Variants in CNNM4 observed in about 807,000 individuals in gnomAD.
CNNM4 encodes metal transporter CNNM4.
CNNM4 carries 32 observed loss-of-function variants against 53.7 expected under a neutral mutation model. The observed-to-expected ratio is 0.60, with a 90% CI of 0.45 to 0.80. The LOEUF is 0.80. Among genes scored for constraint, CNNM4 ranks in the 30% least tolerant of loss-of-function variants. The pLI, the probability that CNNM4 is intolerant of heterozygous loss-of-function variation, is 0.00. For synonymous variants in CNNM4, 410 were observed against 440.0 expected (o/e 0.93, Z 0.85); for missense variants, 784 against 1,022.0 (o/e 0.77, Z 3.17).
chr2:96,788,308 G>A (rs944095587), intron 1 of CNNM4, among the ~76,000 whole-genome samples: 6 of 150,772 alleles, frequency 4.0e-5, no homozygotes, highest in Non-Finnish European at 7.4e-5. Context: ...AGTCTAGCGA[G>A]TATAGAGTGT....
At chr2:96,792,890 G>C (rs1439993952) in intron 1 of CNNM4, among the ~76,000 whole-genome samples, 1 of 152,236 alleles carries the variant, frequency 6.6e-6, no homozygotes, top group South Asian at 2.1e-4. Context: ...GGAGTGTTGG[G>C]GGGATGGGCA....
rs558931421 is a variant in CNNM4 at position 96,808,620 on chromosome 2, C to T, written c.2008C>T (p.Arg670Cys). The T allele has an allele frequency of 6.2e-6, 10 of 1,614,150 alleles. No homozygotes were observed. The highest frequency in any genetic ancestry group is 2.2e-5 in the East Asian group (1 of 44,880). ...SRSASLSYPD[R>C]TDVSTAATLA... ...CTCAGCCTCCCTCAGTTACCCAGAC[C>T]GCACAGACGTCTCAACTGCAGCAAC... Residue 670 changes from arginine to cysteine, a missense_variant, in exon 6 of 7, where the codon CGC becomes TGC. Around this residue, in one of 3 missense-constraint regions of CNNM4, gnomAD observed 307 missense variants for 376.3 expected, o/e 0.82. Coordinates refer to ENST00000377075, the MANE Select transcript of CNNM4 (RefSeq NM_020184.4). This position sits in a 1 kb window ranked among gnomAD's most constrained non-coding sequence, Gnocchi z 4.9.
intron 1 of CNNM4, among the ~76,000 whole-genome samples, chr2:96,765,041 T>G (rs2078802937): frequency 3.5e-5 from 4 of 114,838 alleles, no homozygotes; most frequent in African/African-American, 7.1e-5. Context: ...TTTTTTTTTT[T>G]TTTTTTTTTT....
chr2:96,808,636 C>T lies in CNNM4; in HGVS notation c.2024C>T (p.Thr675Ile). The T allele has an allele frequency of 3.7e-6, 6 of 1,614,184 alleles. No individual in the cohort carries two copies. The highest frequency in any genetic ancestry group is 5.1e-6 in the Non-Finnish European group (6 of 1,180,030). ...LSYPDRTDVS[T>I]AATLAGSSNQ... is the part of the protein sequence containing the mutation. ...TACCCAGACCGCACAGACGTCTCAA[C>T]TGCAGCAACCTTGGCAGGCAGCAGC... Residue 675 changes from threonine to isoleucine, a missense_variant, in exon 6 of 7, where the codon ACT (threonine) becomes ATT (isoleucine). Physicochemically the swap from Thr to Ile is moderately conservative, Grantham distance 89. Transcript: ENST00000377075. This position sits in a 1 kb window ranked among gnomAD's most constrained non-coding sequence, Gnocchi z 4.9.
chr2:96,795,098 C>T (rs2079091372), intron 1 of CNNM4, among the ~76,000 whole-genome samples: 1 of 152,252 alleles, frequency 6.6e-6, no homozygotes. Flanking sequence ...ACTTCTGATC[C>T]CCAGTGAGGA....
chr2:96,761,988 A>G lies in CNNM4; in HGVS notation c.989A>G (p.Gln330Arg). The change falls in exon 1 of 7, where the codon CAG (glutamine) becomes CGG (arginine). Residue 330 changes from glutamine to arginine, a missense_variant. Transcript: ENST00000377075. This position sits in a 1 kb window ranked among gnomAD's most constrained non-coding sequence, Gnocchi z 6.0. Reference sequence around the variant, plus strand: ...AAGCTCCTGGACTTTTTTCTGGGCCAGGAGATTCGCACTGTTTACAACCGG... The same window carrying G: ...AAGCTCCTGGACTTTTTTCTGGGCCGGGAGATTCGCACTGTTTACAACCGG... The part of the protein sequence containing the change: ...ISKLLDFFLG[Q>R]EIRTVYNREK... 6.2e-7 allele frequency: 1 copy of G among 1,614,128 alleles called. No homozygotes were observed. The highest frequency in any genetic ancestry group is 8.5e-7 in the Non-Finnish European group (1 of 1,180,018).
chr2:96,807,969 A>G (rs887784817), intron 5 of CNNM4, among the ~76,000 whole-genome samples: 1 of 151,934 alleles, frequency 6.6e-6, no homozygotes, highest in African/African-American at 2.4e-5. Flanking sequence ...GCTCACTGCA[A>G]TATCCACCTC....
chr2:96,781,167 G>T (rs1002023118), intron 1 of CNNM4, among the ~76,000 whole-genome samples: 5 of 151,948 alleles, frequency 3.3e-5, no homozygotes, highest in African/African-American at 1.2e-4. Context: ...TTTTAGTAGA[G>T]ACGGGGTTTC....
In CNNM4 at chr2:96,761,348, G is replaced by A. The variant is rs368862739; in HGVS notation, c.349G>A (p.Val117Ile). 5 of 1,613,928 alleles carry A rather than the reference G, an allele frequency of 3.1e-6. No individual in the cohort carries two copies. Among genetic ancestry groups the A allele is most frequent in the Non-Finnish European group, 4.2e-6 (5 of 1,180,042 alleles). The part of the protein sequence containing the change: ...SCLELTKDLV[V>I]QQLVNVSRGN... ...CCTCGAGCTCACCAAGGACCTGGTC[G>A]TCCAGCAGCTGGTCAACGTGAGCCG... is the stretch of plus-strand genomic sequence containing the variant. The change falls in exon 1 of 7, where the codon GTC becomes ATC. Residue 117 changes from valine to isoleucine, a missense_variant. Val to Ile is a conservative substitution (Grantham distance 29, BLOSUM62 3). Around this residue, in one of 3 missense-constraint regions of CNNM4, gnomAD observed 473 missense variants for 624.6 expected, o/e 0.76. Transcript: ENST00000377075. This position sits in a 1 kb window ranked among gnomAD's most constrained non-coding sequence, Gnocchi z 6.0.
chr2:96,779,949 C>T (rs148059158), intron 1 of CNNM4, among the ~76,000 whole-genome samples: 3,147 of 152,070 alleles, frequency 0.021, 124 homozygotes, highest in African/African-American at 0.072. Context: ...GCTACAGGCA[C>T]GTGCCACCAC....
chr2:96,792,020 G>A (rs1041888166), intron 1 of CNNM4, among the ~76,000 whole-genome samples: 3 of 151,944 alleles, frequency 2.0e-5, no homozygotes, highest in African/African-American at 4.8e-5. Context: ...TTGGGAGGCC[G>A]AGGTGGGCTG....
intron 1 of CNNM4, among the ~76,000 whole-genome samples, chr2:96,769,836 A>G (rs938094319): frequency 2.6e-5 from 4 of 152,192 alleles, no homozygotes; most frequent in African/African-American, 9.7e-5. Flanking sequence ...CCTGCCTGGT[A>G]ATAGCCTCAA....
chr2:96,797,238 G>A lies in CNNM4; in HGVS notation c.1546+83G>A. The A allele has an allele frequency of 6.3e-7, 1 of 1,579,186 alleles. No homozygotes were observed. The highest frequency in any genetic ancestry group is 8.7e-7 in the Non-Finnish European group (1 of 1,154,046). ...TGTCCCTAGCTGGAAGGGCCATAGT[G>A]CAGGGACACAGGAGGCCTAGCATCC... On this transcript the variant is annotated intron_variant, in intron 2 of 6. Coordinates refer to ENST00000377075, the MANE Select transcript of CNNM4 (RefSeq NM_020184.4). The surrounding 1 kb of genome is among the most constrained non-coding windows in gnomAD (Gnocchi z 6.0).
chr2:96,762,059 C>A lies in CNNM4; in HGVS notation c.1060C>A (p.Leu354Ile). The A allele has an allele frequency of 6.2e-7, 1 of 1,614,092 alleles. No homozygotes were observed. Among genetic ancestry groups the A allele is most frequent in the Non-Finnish European group, 8.5e-7 (1 of 1,180,032 alleles). ...MLKVTEPYND[L>I]VKEELNMIQG... ...GAAGGTGACGGAGCCCTATAATGACCTCGTGAAAGAGGAGCTCAATATGAT... is the reference window on the plus strand; with the variant it reads ...GAAGGTGACGGAGCCCTATAATGACATCGTGAAAGAGGAGCTCAATATGAT... Residue 354 changes from leucine (L) to isoleucine (I), a missense_variant, in exon 1 of 7, where the codon CTC becomes ATC. Physicochemically the swap from Leu to Ile is conservative, Grantham distance 5. Transcript: ENST00000377075.
At chr2:96,799,401 T>TG (rs2153349776) in intron 4 of CNNM4, 151 bp from the exon 5 acceptor site, 1 of 1,091,642 alleles carries the variant, frequency 9.2e-7, no homozygotes, top group African/African-American at 1.6e-5. Context: ...AGGCCACTCT[T>TG]GATCTCACAG....
At chr2:96,776,390 T>G (rs1005211174) in intron 1 of CNNM4, among the ~76,000 whole-genome samples, 2 of 152,134 alleles carry the variant, frequency 1.3e-5, no homozygotes, top group Non-Finnish European at 2.9e-5. Flanking sequence ...ACAGTACATG[T>G]GATAATTTGA....
intron 1 of CNNM4, among the ~76,000 whole-genome samples, chr2:96,765,724 A>G (rs1397707749): frequency 6.6e-6 from 1 of 151,938 alleles, no homozygotes; most frequent in African/African-American, 2.4e-5. Flanking sequence ...GGACAAATGA[A>G]TGAACAATGG....
At chr2:96,786,711 G>A (rs1312540733) in intron 1 of CNNM4, among the ~76,000 whole-genome samples, 7 of 149,216 alleles carry the variant, frequency 4.7e-5, no homozygotes, top group African/African-American at 7.4e-5. Context: ...CTTGGGAAGC[G>A]GAGGTTGCAG....
chr2:96,776,776 C>G (rs894105240), intron 1 of CNNM4, among the ~76,000 whole-genome samples: 1 of 146,416 alleles, frequency 6.8e-6, no homozygotes, highest in African/African-American at 2.5e-5. Flanking sequence ...CCATACCAGG[C>G]TAATTTTTTT....
Sources: gnomAD v4.1 joint callset for allele counts (sites outside exome capture counted in the v4.1 genomes callset) on GRCh38, gnomAD v4.1.1 for gene constraint, gnomAD v4.1.1 regional missense constraint, Gnocchi (gnomAD v3.1) non-coding constraint, MANE v1.5 for transcripts, NCBI Gene and HGNC (gene_info 2026-07-23, HGNC 2026-07-21) for gene names.